NBEAL2: variants seen among roughly 807,000 people sequenced by gnomAD.
NBEAL2 encodes neurobeachin like 2.
NBEAL2 carries 160 observed loss-of-function variants against 299.8 expected under a neutral mutation model. That is an observed-to-expected ratio of 0.53 (90% confidence interval 0.47 to 0.61). The LOEUF (loss-of-function observed/expected upper bound fraction) is 0.61, where lower values mean the gene tolerates loss of function less well. Among genes scored for constraint, NBEAL2 ranks in the 20% least tolerant of loss-of-function variants. The pLI, the probability that NBEAL2 is intolerant of heterozygous loss-of-function variation, is 0.00. For missense variants in NBEAL2, 3,112 were observed against 3,649.0 expected, an observed-to-expected ratio of 0.85 and a Z score of 3.79; for synonymous variants, 1,493 against 1,542.3, an observed-to-expected ratio of 0.97 and a Z score of 0.75.
At position 46,995,852 on chromosome 3, in the gene NBEAL2, AC is replaced by A. The variant is rs1559596442; in HGVS notation, c.2031+10del. 1.2e-6 allele frequency: 2 copies of A among 1,613,548 alleles called. No individual in the cohort carries two copies. Among genetic ancestry groups the A allele is most frequent in the Non-Finnish European group, 8.5e-7 (1 of 1,179,800 alleles). On this transcript the variant is annotated splice_region_variant and intron_variant, in intron 14 of 53. Coordinates refer to ENST00000450053, the MANE Select transcript of NBEAL2 (RefSeq NM_015175.3). ...CCTTTGCCGACTCTGCCTGGGTGAGACCCCATCCTTCTCATGTGGCCCAGTA... is the reference window on the plus strand; with the variant it reads ...CCTTTGCCGACTCTGCCTGGGTGAGACCCATCCTTCTCATGTGGCCCAGTA...
chr3:47,008,063 T>C lies in NBEAL2; in HGVS notation c.7603-7T>C. 6.2e-7 allele frequency: 1 copy of C among 1,613,458 alleles called. No individual in the cohort carries two copies. The highest frequency in any genetic ancestry group is 2.2e-5 in the East Asian group (1 of 44,872). ...GACAGTCCTAAGCCAACCCTGGTCC[T>C]CCACAGGGTGGTCTGTCAGTAGGCC... On this transcript the variant is annotated splice_region_variant and splice_polypyrimidine_tract_variant and intron_variant, in intron 49 of 53. Coordinates refer to ENST00000450053, the MANE Select transcript of NBEAL2 (RefSeq NM_015175.3).
At chr3:46,992,452 T>C (rs760973073) in intron 9 of NBEAL2, 23 bp from the exon 10 acceptor site, 3 of 1,591,662 alleles carry the variant, frequency 1.9e-6, no homozygotes, top group Admixed American at 3.4e-5. Flanking sequence ...TCCTCCACCC[T>C]GTGCCTCCCC....
At chr3:46,980,106 T>G (rs1456899365) in intron 1 of NBEAL2, among the ~76,000 whole-genome samples, 194 bp downstream of exon 1, 1 of 152,094 alleles carries the variant, frequency 6.6e-6, no homozygotes, top group East Asian at 1.9e-4. Context: ...CTGGCACTTA[T>G]GCCTTGGGGA....
rs115639020 is a variant in NBEAL2, at chr3:46,989,938, C to G, written c.556+345C>G. Reference sequence around the variant, plus strand: ...CCCATAGCCTCCACGCATCTCCACCCATCCCGGAGACACAGGAGGTATCTC... The same window carrying G: ...CCCATAGCCTCCACGCATCTCCACCGATCCCGGAGACACAGGAGGTATCTC... On this transcript the variant is annotated intron_variant, in intron 6 of 53. Transcript: ENST00000450053. The surrounding 1 kb of genome is among the most constrained non-coding windows in gnomAD (Gnocchi z 5.5). Among the ~76,000 whole-genome samples the G allele has an allele frequency of 6.6e-6, 1 of 152,124 alleles. No individual in the cohort carries two copies. Among genetic ancestry groups the G allele is most frequent in the Admixed American group, 6.5e-5 (1 of 15,286 alleles).
In NBEAL2 at chr3:47,000,985, C is replaced by A; in HGVS notation, c.4306-16C>A. ...CGCCCACAACCCACGCCCACACCACCCACCTGTGCCCACAGCAAACCTCTG... is the reference window on the plus strand; with the variant it reads ...CGCCCACAACCCACGCCCACACCACACACCTGTGCCCACAGCAAACCTCTG... On this transcript the variant is annotated splice_polypyrimidine_tract_variant and intron_variant, in intron 27 of 53. Transcript: ENST00000450053. This position sits in a 1 kb window ranked among gnomAD's most constrained non-coding sequence, Gnocchi z 4.5. The A allele has an allele frequency of 6.3e-7, 1 of 1,588,030 alleles. No individual in the cohort carries two copies. Among genetic ancestry groups the A allele is most frequent in the Non-Finnish European group, 8.6e-7 (1 of 1,167,226 alleles).
In NBEAL2 at chr3:47,001,817, A is replaced by G. The variant is rs1158689137; in HGVS notation, c.4773A>G (p.Glu1591=). ...TTGTACTTGGCTACATCCTGCTGGAAGACCCACAGGTGAGCACAGGGTGAG... is the reference window on the plus strand; with the variant it reads ...TTGTACTTGGCTACATCCTGCTGGAGGACCCACAGGTGAGCACAGGGTGAG... ...LRLVLGYILL[E]DPQLHAQAYV... is the part of the protein sequence containing the mutation. The change falls in exon 30 of 54, where the codon GAA becomes GAG. Residue 1591 remains glutamate, a synonymous_variant. Transcript: ENST00000450053. This position sits in a 1 kb window ranked among gnomAD's most constrained non-coding sequence, Gnocchi z 6.1. 5.6e-6 allele frequency: 9 copies of G among 1,613,780 alleles called. No individual in the cohort carries two copies. Among genetic ancestry groups the G allele is most frequent in the Non-Finnish European group, 7.6e-6 (9 of 1,179,882 alleles).
At position 46,995,140 on chromosome 3, in the gene NBEAL2, C is replaced by A. The variant is rs773610498; in HGVS notation, c.1405C>A (p.Leu469Ile). The change falls in exon 13 of 54, where the codon CTC becomes ATC. Residue 469 changes from leucine (L) to isoleucine (I), a missense_variant. By Grantham distance (5) the Leu-to-Ile change is conservative (BLOSUM62 2). Coordinates refer to ENST00000450053, the MANE Select transcript of NBEAL2 (RefSeq NM_015175.3). ...LPSLPTAELR[L>I]FLAQRLRWLC... ...GTCATTGCCCACCGCTGAGCTGCGG[C>A]TCTTCCTAGCGCAACGCCTCAGGTG... 1 of 1,575,030 alleles carries A rather than the reference C, an allele frequency of 6.3e-7. No individual in the cohort carries two copies. The highest frequency in any genetic ancestry group is 1.2e-5 in the South Asian group (1 of 85,948).
intron 6 of NBEAL2, among the ~76,000 whole-genome samples, chr3:46,990,213 A>G (rs1291613459): frequency 6.6e-6 from 1 of 152,138 alleles, no homozygotes; most frequent in Non-Finnish European, 1.5e-5. Flanking sequence ...TGATGCCCCC[A>G]TGGAGCTGTG....
Position 46,999,076 on chromosome 3 carries a change from C to A in NBEAL2, c.3502C>A (p.Arg1168=). Residue 1168 remains arginine (R), a synonymous_variant, in exon 24 of 54, where the codon CGG becomes AGG. Transcript: ENST00000450053. ...CGAAGTGCTACTGGCCCTGCTAGTG[C>A]GGCCAGGGTCACTGCCCCTGCTGCC... ...NLEVLLALLV[R]PGSLPLLPDR... The A allele has an allele frequency of 6.3e-7, 1 of 1,590,094 alleles. No homozygotes were observed. The highest frequency in any genetic ancestry group is 8.6e-7 in the Non-Finnish European group (1 of 1,168,798).
chr3:46,998,513 C>T lies in NBEAL2; in HGVS notation c.3169C>T (p.Arg1057Trp), dbSNP rs778212837. ...AGTTCGGGAGCACAGACAGAAGCTG[C>T]GGAAGAAGTACGGCGTCCAGTTTAT... ...SIVREHRQKL[R>W]KKYGVQFILD... The change falls in exon 22 of 54, where the codon CGG becomes TGG. Residue 1057 changes from arginine (R) to tryptophan (W), a missense_variant. Coordinates refer to ENST00000450053, the MANE Select transcript of NBEAL2 (RefSeq NM_015175.3). The T allele has an allele frequency of 6.8e-6, 11 of 1,613,236 alleles. No homozygotes were observed. Among genetic ancestry groups the T allele is most frequent in the South Asian group, 3.3e-5 (3 of 90,964 alleles).
Position 47,003,994 on chromosome 3 carries a change from G to A in NBEAL2, c.5881+18G>A. 6.2e-7 allele frequency: 1 copy of A among 1,609,804 alleles called. No homozygotes were observed. The highest frequency in any genetic ancestry group is 8.5e-7 in the Non-Finnish European group (1 of 1,176,776). Reference sequence around the variant, plus strand: ...CGAGGAGGGTGCGTCCTGGTGGTGTGGTTTAGGAGGATGGCAGGGAATGGC... The same window carrying A: ...CGAGGAGGGTGCGTCCTGGTGGTGTAGTTTAGGAGGATGGCAGGGAATGGC... On this transcript the variant is annotated intron_variant, in intron 36 of 53. Transcript: ENST00000450053. This position sits in a 1 kb window ranked among gnomAD's most constrained non-coding sequence, Gnocchi z 7.0.
Position 47,000,457 on chromosome 3 carries a change from T to G in NBEAL2, c.4305+53T>G. 3 of 1,532,756 alleles carry G rather than the reference T, an allele frequency of 2.0e-6. No homozygotes were observed. The highest frequency in any genetic ancestry group is 2.6e-6 in the Non-Finnish European group (3 of 1,139,404). 94.9% of individuals were successfully genotyped at this position (1,532,756 alleles called of 1,614,324 possible). On this transcript the variant is annotated intron_variant, in intron 27 of 53. Transcript: ENST00000450053. This position sits in a 1 kb window ranked among gnomAD's most constrained non-coding sequence, Gnocchi z 4.5. Reference sequence around the variant, plus strand: ...CATGGTACCCAAGGGAGGACACTTCTGGTACACAGGGCTGGCAGTGTAGCC... The same window carrying G: ...CATGGTACCCAAGGGAGGACACTTCGGGTACACAGGGCTGGCAGTGTAGCC...
chr3:46,986,845 A>G (rs2035703536), intron 1 of NBEAL2, among the ~76,000 whole-genome samples: 1 of 152,188 alleles, frequency 6.6e-6, no homozygotes, highest in Non-Finnish European at 1.5e-5. Context: ...CTGTTTCCCC[A>G]TCTGCAATGG....
chr3:46,996,186 A>G, intron 15 of NBEAL2, 85 bp from the exon 16 acceptor site: 2 of 1,574,580 alleles, frequency 1.3e-6, no homozygotes, highest in Non-Finnish European at 1.7e-6. Context: ...CCATGCAGCC[A>G]TGGGGGTCAC....
intron 22 of NBEAL2, 68 bp from the exon 23 acceptor site, chr3:46,998,649 C>T: frequency 6.4e-7 from 1 of 1,555,370 alleles, no homozygotes; most frequent in Non-Finnish European, 8.7e-7. Context: ...GCTTCCCTGA[C>T]TCACCTGCCC....
In NBEAL2 at chr3:46,995,350, C is replaced by T. The variant is rs1018037140; in HGVS notation, c.1615C>T (p.Pro539Ser). 9 of 1,610,260 alleles carry T rather than the reference C, an allele frequency of 5.6e-6. 1 individual carries two copies. In the Admixed American group the frequency reaches 1.0e-4, roughly 18 times the overall value. Residue 539 changes from proline (P) to serine (S), a missense_variant, in exon 13 of 54, where the codon CCC becomes TCC. Physicochemically the swap from Pro to Ser is moderately conservative, Grantham distance 74. Around this residue, in one of 3 missense-constraint regions of NBEAL2, gnomAD observed 2,243 missense variants for 2,538.1 expected, o/e 0.88. Coordinates refer to ENST00000450053, the MANE Select transcript of NBEAL2 (RefSeq NM_015175.3). ...RPMELRHLLR[P>S]RPGLDSEPGG... ...CATGGAGCTGCGTCACCTGCTGCGC[C>T]CCCGGCCAGGATTGGACTCGGAACC... is the stretch of plus-strand genomic sequence containing the variant.
intron 11 of NBEAL2, 60 bp downstream of exon 11, chr3:46,994,080 C>G (rs2036297703): frequency 4.0e-6 from 6 of 1,498,552 alleles, no homozygotes; most frequent in South Asian, 3.6e-5. Context: ...CTGACCATAT[C>G]CCCAGAACAG....
chr3:46,996,700 G>A lies in NBEAL2; in HGVS notation c.2474-51G>A, dbSNP rs1221705217. On this transcript the variant is annotated intron_variant, in intron 16 of 53. Coordinates refer to ENST00000450053, the MANE Select transcript of NBEAL2 (RefSeq NM_015175.3). Reference sequence around the variant, plus strand: ...CCTGTGGTCAGGCAGTCTCTGGATGGGGTTTGGCCAGAGGCCTAGCAAGGT... The same window carrying A: ...CCTGTGGTCAGGCAGTCTCTGGATGAGGTTTGGCCAGAGGCCTAGCAAGGT... 20 of 1,583,070 alleles carry A rather than the reference G, an allele frequency of 1.3e-5. No homozygotes were observed. In the African/African-American group the frequency reaches 1.8e-4, roughly 14 times the overall value.
intron 1 of NBEAL2, 115 bp downstream of exon 1, chr3:46,980,027 C>G (rs1466108949): frequency 5.6e-4 from 1 of 1,772 alleles, no homozygotes; most frequent in African/African-American, 6.1e-4. Flanking sequence ...GCCGCGCGCG[C>G]GGGCGCGCGC....
Sources: gnomAD v4.1 joint callset for allele counts (sites outside exome capture counted in the v4.1 genomes callset) on GRCh38, gnomAD v4.1.1 for gene constraint, gnomAD v4.1.1 regional missense constraint, Gnocchi (gnomAD v3.1) non-coding constraint, MANE v1.5 for transcripts, NCBI Gene and HGNC (gene_info 2026-07-23, HGNC 2026-07-21) for gene names.